ANO4: variants seen among roughly 807,000 people sequenced by gnomAD.
ANO4 encodes anoctamin-4.
A neutral mutation model predicts 141.9 loss-of-function variants in ANO4; 69 were observed. That is an observed-to-expected ratio of 0.49 (90% CI 0.40 to 0.59). ANO4 has a LOEUF of 0.59. Ranked by LOEUF, ANO4 falls within the 20% of genes least tolerant of loss-of-function variation. The probability of loss-of-function intolerance (pLI) is 0.00; values close to 1 mark genes in which losing one functional copy is unlikely to be tolerated. For missense variants in ANO4, 894 were observed against 1,162.2 expected (o/e 0.77, Z 3.36); for synonymous variants, 350 against 394.3 (o/e 0.89, Z 1.33).
At chr12:100,732,823 G>A (rs1272011668) in intron 1 of ANO4, among the ~76,000 whole-genome samples, 3 of 152,134 alleles carry the variant, frequency 2.0e-5, no homozygotes, top group Non-Finnish European at 4.4e-5. Context: ...TGTAAGGGTG[G>A]CACCTACCTC....
intron 1 of ANO4, among the ~76,000 whole-genome samples, chr12:100,724,532 C>T (rs910386628): frequency 6.6e-6 from 1 of 152,164 alleles, no homozygotes; most frequent in Non-Finnish European, 1.5e-5. Context: ...AATGAAAAAA[C>T]GTTATGAAAA....
chr12:100,881,429 GA>G lies in ANO4; in HGVS notation c.-140-20203del, dbSNP rs74531908. 4.1e-3 allele frequency among the ~76,000 whole-genome samples: 565 copies of G among 136,500 alleles called. 2 individuals are homozygous for G. The highest frequency in any genetic ancestry group is 9.6e-3 in the African/African-American group (368 of 38,180). The allele number at this position is 136,500 out of a possible 152,430, so 89.5% of individuals were successfully genotyped here. The stretch of plus-strand genomic sequence containing the variant: ...ATAATAAAACTGTTTTTATCTTTAG[GA>G]AAAAAAAAAAAAAGAATATGCTCCA... On this transcript the variant is annotated intron_variant, in intron 1 of 27. Coordinates refer to ENST00000392977, the MANE Select transcript of ANO4 (RefSeq NM_001286615.2).
chr12:101,015,833 T>C (rs2046294390), intron 8 of ANO4, among the ~76,000 whole-genome samples: 1 of 152,016 alleles, frequency 6.6e-6, no homozygotes, highest in South Asian at 2.1e-4. Context: ...TTAGCTTACA[T>C]TGTGTGCATG....
intron 13 of ANO4, among the ~76,000 whole-genome samples, chr12:101,045,163 A>T (rs1203846034): frequency 6.6e-6 from 1 of 152,258 alleles, no homozygotes; most frequent in Admixed American, 6.5e-5. Context: ...AACAATAATA[A>T]TTATAATAGT....
At chr12:100,793,867 G>A (rs2135625617), upstream of ANO4, among the ~76,000 whole-genome samples, 1 of 152,316 alleles carries the variant, frequency 6.6e-6, no homozygotes, top group Admixed American at 6.5e-5. Context: ...GAAAAGTTTA[G>A]AGTCCTCCAC....
chr12:100,774,200 A>C (rs1462031669), intron 3 of ANO4, among the ~76,000 whole-genome samples: 2 of 152,224 alleles, frequency 1.3e-5, no homozygotes, highest in Non-Finnish European at 2.9e-5. Flanking sequence ...CAGTAAAACA[A>C]GTCTAGTGAA....
chr12:100,771,122 C>T (rs1019251337), intron 3 of ANO4, among the ~76,000 whole-genome samples: 3 of 152,034 alleles, frequency 2.0e-5, no homozygotes, highest in Non-Finnish European at 2.9e-5. Context: ...TGAAGAGGAA[C>T]GGGTTAAATT....
intron 2 of ANO4, among the ~76,000 whole-genome samples, chr12:100,919,168 T>A (rs2041488813): frequency 6.6e-6 from 1 of 152,174 alleles, no homozygotes; most frequent in African/African-American, 2.4e-5. Context: ...TCTAAAAGGT[T>A]ACAAAGTAAA....
chr12:100,837,866 G>A (rs2037022547), intron 1 of ANO4, among the ~76,000 whole-genome samples: 1 of 152,114 alleles, frequency 6.6e-6, no homozygotes, highest in South Asian at 2.1e-4. Context: ...GTCAGCATGA[G>A]GTTGTCTGAT....
At chr12:101,006,916 A>G (rs1356905143) in intron 8 of ANO4, among the ~76,000 whole-genome samples, 2 of 152,202 alleles carry the variant, frequency 1.3e-5, no homozygotes, top group African/African-American at 4.8e-5. Flanking sequence ...TAGGTGTTTG[A>G]TGTCGTTCAC....
At position 100,939,445 on chromosome 12, in the gene ANO4, G is replaced by A. The variant is rs2042418501; in HGVS notation, c.291G>A (p.Gly97=). Residue 97 remains glycine, a synonymous_variant, in exon 4 of 28, where the codon GGG becomes GGA. Transcript: ENST00000392977. ...ATGATGCCAGCAGATTGGAAGCCGG[G>A]GGAGAGGTAAGAGTATATGATTTCT... is the stretch of plus-strand genomic sequence containing the variant. ...TSDDASRLEA[G]GETVPERNKS... is the part of the protein sequence containing the mutation. 3.7e-6 allele frequency: 6 copies of A among 1,613,332 alleles called. No individual in the cohort carries two copies. The highest frequency in any genetic ancestry group is 5.1e-6 in the Non-Finnish European group (6 of 1,179,516).
chr12:101,083,578 C>A, intron 15 of ANO4, 100 bp from the exon 16 acceptor site: 1 of 1,398,760 alleles, frequency 7.1e-7, no homozygotes, highest in Non-Finnish European at 9.7e-7. Flanking sequence ...ATTAGTGTGG[C>A]AGCTGTTGAC....
intron 3 of ANO4, among the ~76,000 whole-genome samples, chr12:100,746,280 C>T (rs1384513667): frequency 3.3e-5 from 5 of 152,092 alleles, no homozygotes; most frequent in Admixed American, 6.5e-5. Flanking sequence ...ATGGTGAAAC[C>T]CCATCTCTAC....
At chr12:100,952,672 A>G (rs1425057812) in intron 5 of ANO4, among the ~76,000 whole-genome samples, 2 of 152,268 alleles carry the variant, frequency 1.3e-5, no homozygotes, top group Admixed American at 6.5e-5. Context: ...TTACTGGTTC[A>G]TCTTGTTAGG....
intron 2 of ANO4, among the ~76,000 whole-genome samples, chr12:100,921,118 A>G (rs2041612009): frequency 6.6e-6 from 1 of 152,088 alleles, no homozygotes; most frequent in African/African-American, 2.4e-5. Context: ...TCATTCATTC[A>G]TTCAGCCTGA....
At chr12:100,895,686 C>T (rs1037490983) in intron 1 of ANO4, among the ~76,000 whole-genome samples, 56 of 151,290 alleles carry the variant, frequency 3.7e-4, no homozygotes, top group African/African-American at 2.4e-5. Flanking sequence ...CTCAGTCTCC[C>T]GAGTAGTTGG....
chr12:100,778,307 T>C (rs2033601173), intron 3 of ANO4, among the ~76,000 whole-genome samples: 1 of 152,090 alleles, frequency 6.6e-6, no homozygotes, highest in East Asian at 1.9e-4. Context: ...TTGTGACAAG[T>C]GGGGGTGAAT....
intron 1 of ANO4, among the ~76,000 whole-genome samples, chr12:100,838,970 G>A (rs1215758960): frequency 6.6e-6 from 1 of 152,132 alleles, no homozygotes; most frequent in East Asian, 1.9e-4. Flanking sequence ...GAGACTAAAA[G>A]CAGGTTCCCT....
chr12:100,743,779 G>A (rs1173885158), intron 3 of ANO4, among the ~76,000 whole-genome samples: 3 of 152,182 alleles, frequency 2.0e-5, no homozygotes, highest in Admixed American at 6.5e-5. Flanking sequence ...ATTGCATTTC[G>A]CTTGGGTTTG....
Sources: gnomAD v4.1 joint callset for allele counts (sites outside exome capture counted in the v4.1 genomes callset) on GRCh38, gnomAD v4.1.1 for gene constraint, MANE v1.5 for transcripts, NCBI Gene and HGNC (gene_info 2026-07-23, HGNC 2026-07-21) for gene names.